The following CFAP61 variants were observed in gnomAD, a reference collection of about 807,000 sequenced individuals.
CFAP61 encodes cilia and flagella associated protein 61.
In CFAP61, 107 loss-of-function variants were observed where a neutral mutation model predicts 135.6. That is an observed-to-expected ratio of 0.79 (90% CI 0.67 to 0.93). The LOEUF (loss-of-function observed/expected upper bound fraction) is 0.93. Among genes scored for constraint, CFAP61 ranks in the 40% least tolerant of loss-of-function variants. CFAP61 has a pLI of 0.00. For synonymous variants in CFAP61, 575 were observed against 578.5 expected (o/e 0.99, Z 0.09); for missense variants, 1,507 against 1,556.2 (o/e 0.97, Z 0.53).
chr20:20,159,533 C>T (rs1720962402), intron 10 of CFAP61, 89 bp downstream of exon 10: 1 of 1,109,846 alleles, frequency 9.0e-7, no homozygotes, highest in Admixed American at 1.7e-5. Flanking sequence ...CCCTTTCCTC[C>T]TCCCAATCTC....
At chr20:20,320,999 A>G (rs1334817556) in intron 25 of CFAP61, among the ~76,000 whole-genome samples, 3 of 151,746 alleles carry the variant, frequency 2.0e-5, no homozygotes, top group African/African-American at 7.3e-5. Context: ...AAAAAATTAT[A>G]CTAGATACAT....
At position 20,113,456 on chromosome 20, in the gene CFAP61, A is replaced by T. The variant is rs191802443; in HGVS notation, c.859+14642A>T. On this transcript the variant is annotated intron_variant, in intron 8 of 26. Coordinates refer to ENST00000245957, the MANE Select transcript of CFAP61 (RefSeq NM_015585.4). The stretch of plus-strand genomic sequence containing the variant: ...TTTGAATTACATTTAATCTGATATA[A>T]TATTTCCATTCCTAGGCCCACACTG... Among the ~76,000 whole-genome samples the T allele has an allele frequency of 3.3e-4, 50 of 152,330 alleles. No homozygotes were observed. The East Asian group carries it at 9.1e-3, about 28-fold the overall frequency.
rs562303670 is a variant in CFAP61, at chr20:20,252,172, G to A, written c.2328+409G>A. Among the ~76,000 whole-genome samples, 4 of 152,156 alleles carry A rather than the reference G, an allele frequency of 2.6e-5. No homozygotes were observed. The East Asian group carries it at 5.8e-4, about 22-fold the overall frequency. Reference sequence around the variant, plus strand: ...GCTCTCGCAAAAGTATTGCAAACACGTGCACCTTCTGTCGACCCTTATTTT... The same window carrying A: ...GCTCTCGCAAAAGTATTGCAAACACATGCACCTTCTGTCGACCCTTATTTT... On this transcript the variant is annotated intron_variant, in intron 20 of 26. Transcript: ENST00000245957.
intron 6 of CFAP61, among the ~76,000 whole-genome samples, chr20:20,078,013 A>C (rs1484793806): frequency 6.6e-6 from 1 of 152,230 alleles, no homozygotes; most frequent in African/African-American, 2.4e-5. Context: ...ACAGTTTTGC[A>C]GGGTCATTTC....
intron 25 of CFAP61, among the ~76,000 whole-genome samples, chr20:20,306,850 A>G (rs571611349): frequency 1.3e-5 from 2 of 152,336 alleles, no homozygotes; most frequent in African/African-American, 4.8e-5. Context: ...AGGGGAGACA[A>G]TTTCAGCACA....
chr20:20,324,238 A>G (rs1300132269), intron 25 of CFAP61, among the ~76,000 whole-genome samples: 2 of 152,222 alleles, frequency 1.3e-5, no homozygotes, highest in Middle Eastern at 3.4e-3. Context: ...AAAATTGTAC[A>G]TGGCTGTTAA....
intron 8 of CFAP61, among the ~76,000 whole-genome samples, chr20:20,136,071 T>C (rs888050455): frequency 1.4e-4 from 21 of 152,236 alleles, no homozygotes; most frequent in Non-Finnish European, 2.9e-4. Context: ...TTTCCTGGCC[T>C]GCAAGGTATC....
At chr20:20,351,627 T>C (rs1353367029) in intron 26 of CFAP61, among the ~76,000 whole-genome samples, 1 of 150,184 alleles carries the variant, frequency 6.7e-6, no homozygotes, top group Non-Finnish European at 1.5e-5. Flanking sequence ...GAAAAAGAAA[T>C]TAAGAAAGCA....
rs6035585 is a variant in CFAP61, at chr20:20,218,698, C to T, written c.1933-9551C>T. Among the ~76,000 whole-genome samples the T allele has an allele frequency of 5.6e-3, 851 of 152,302 alleles. 11 individuals are homozygous for T. The highest frequency in any genetic ancestry group is 0.018 in the African/African-American group (763 of 41,572). On this transcript the variant is annotated intron_variant, in intron 17 of 26. Coordinates refer to ENST00000245957, the MANE Select transcript of CFAP61 (RefSeq NM_015585.4). The stretch of plus-strand genomic sequence containing the variant: ...CTGTCCCCCAACCTAATGAGAATTC[C>T]TTAAAGACAAGAACCATGCCTCATT...
intron 8 of CFAP61, among the ~76,000 whole-genome samples, chr20:20,140,884 T>TA (rs1420035906): frequency 6.6e-6 from 1 of 151,222 alleles, no homozygotes; most frequent in African/African-American, 2.4e-5. Flanking sequence ...TATGCAGCCA[T>TA]AAAAAAGGAA....
chr20:20,227,012 C>G (rs1241657274), intron 17 of CFAP61, among the ~76,000 whole-genome samples: 1 of 152,216 alleles, frequency 6.6e-6, no homozygotes, highest in African/African-American at 2.4e-5. Context: ...TTGTTTGGCT[C>G]AAGCCATTTT....
chr20:20,056,743 T>C lies in CFAP61; in HGVS notation c.90T>C (p.Leu30=), dbSNP rs1363790687. The C allele has an allele frequency of 6.2e-7, 1 of 1,614,030 alleles. No individual in the cohort carries two copies. The highest frequency in any genetic ancestry group is 1.7e-5 in the Admixed American group (1 of 60,020). The part of the protein sequence containing the change: ...ESQDVYCIKS[L]IRKFTCKLFG... ...AGGATGTTTATTGTATCAAAAGCCTTATTAGAAAATTTACCTGCAAGCTGT... is the reference window on the plus strand; with the variant it reads ...AGGATGTTTATTGTATCAAAAGCCTCATTAGAAAATTTACCTGCAAGCTGT... Residue 30 remains leucine (L), a synonymous_variant, in exon 2 of 27, where the codon CTT becomes CTC. Transcript: ENST00000245957.
chr20:20,102,514 A>C (rs990530711), intron 8 of CFAP61, among the ~76,000 whole-genome samples: 3 of 152,184 alleles, frequency 2.0e-5, no homozygotes, highest in African/African-American at 4.8e-5. Flanking sequence ...TCAGGGGTAC[A>C]TGAGAAGGTT....
At chr20:20,204,312 A>G (rs1426357622) in intron 17 of CFAP61, among the ~76,000 whole-genome samples, 2 of 152,048 alleles carry the variant, frequency 1.3e-5, no homozygotes, top group Non-Finnish European at 2.9e-5. Flanking sequence ...GATTCTGTGC[A>G]TTCATTTCTC....
At chr20:20,100,154 T>C (rs144003657) in intron 8 of CFAP61, among the ~76,000 whole-genome samples, 63 of 151,998 alleles carry the variant, frequency 4.1e-4, no homozygotes, top group Middle Eastern at 3.4e-3. Context: ...TAAATTCTTC[T>C]TTGAAAGCAG....
At chr20:20,199,430 T>C (rs2056485543) in intron 16 of CFAP61, among the ~76,000 whole-genome samples, 1 of 152,202 alleles carries the variant, frequency 6.6e-6, no homozygotes. Flanking sequence ...CACAGCTTAA[T>C]GGGGTCAGAT....
rs182659623 is a variant in CFAP61 at position 20,220,627 on chromosome 20, G to T, written c.1933-7622G>T. On this transcript the variant is annotated intron_variant, in intron 17 of 26. Transcript: ENST00000245957. ...CCTGCTGGTGTCAGAGAATTGGTCA[G>T]TGTGGGAAAAAAACTCACACATTTG... Among the ~76,000 whole-genome samples the T allele has an allele frequency of 4.6e-5, 7 of 152,292 alleles. No individual in the cohort carries two copies. The East Asian group carries it at 1.4e-3, about 29-fold the overall frequency.
intron 2 of CFAP61, among the ~76,000 whole-genome samples, chr20:20,069,130 A>G (rs1374018858): frequency 2.6e-5 from 4 of 152,142 alleles, no homozygotes; most frequent in African/African-American, 7.2e-5. Context: ...CCCAAAGTAA[A>G]TTGATTTAAA....
intron 25 of CFAP61, among the ~76,000 whole-genome samples, chr20:20,317,407 G>A (rs978246505): frequency 3.9e-5 from 6 of 152,172 alleles, no homozygotes; most frequent in African/African-American, 7.2e-5. Flanking sequence ...GGCACTGTGC[G>A]TGCTGCTCAG....
Sources: gnomAD v4.1 joint callset for allele counts (sites outside exome capture counted in the v4.1 genomes callset) on GRCh38, gnomAD v4.1.1 for gene constraint, MANE v1.5 for transcripts, NCBI Gene and HGNC (gene_info 2026-07-23, HGNC 2026-07-21) for gene names.